The following IL9 variants were observed in gnomAD, a reference collection of about 807,000 sequenced individuals.
IL9 encodes interleukin-9.
A neutral mutation model predicts 12.9 loss-of-function variants in IL9; 16 were observed. The ratio of observed to expected loss-of-function variants is 1.24; its 90% CI spans 0.84 to 1.88. The LOEUF (loss-of-function observed/expected upper bound fraction) is 1.88. Ranked by LOEUF, IL9 falls within the 40% of genes most tolerant of loss-of-function variation. The pLI, the probability that IL9 is intolerant of heterozygous loss-of-function variation, is 0.00. For missense variants in IL9, 170 were observed against 173.1 expected, an observed-to-expected ratio of 0.98 and a Z score of 0.10; for synonymous variants, 69 against 63.8, an observed-to-expected ratio of 1.08 and a Z score of -0.39.
chr5:135,892,331 G>T lies in IL9; in HGVS notation c.*60C>A. The T allele has an allele frequency of 1.5e-6, 2 of 1,294,846 alleles. No individual in the cohort carries two copies. The highest frequency in any genetic ancestry group is 2.1e-6 in the Non-Finnish European group (2 of 943,214). 80.2% of individuals were successfully genotyped at this position (1,294,846 alleles called of 1,614,324 possible). ...GAGTAGCTTACTTGATTTTTAAATT[G>T]TAGCAACTTAAAGAGAAAGCTTTTT... On this transcript the variant is annotated 3_prime_UTR_variant, in exon 5 of 5. Transcript: ENST00000274520.
At chr5:135,893,921 A>C (rs75186732) in intron 4 of IL9, 99 bp downstream of exon 4, 3 of 1,028,136 alleles carry the variant, frequency 2.9e-6, no homozygotes, top group Non-Finnish European at 4.2e-6. Flanking sequence ...TGAACTACCA[A>C]TTCCAACTTT....
chr5:135,895,444 G>A lies in IL9; in HGVS notation c.179C>T (p.Pro60Leu). 1 of 1,613,120 alleles carries A rather than the reference G, an allele frequency of 6.2e-7. No individual in the cohort carries two copies. The highest frequency in any genetic ancestry group is 8.5e-7 in the Non-Finnish European group (1 of 1,179,560). The change falls in exon 3 of 5, where the codon CCC (proline) becomes CTC (leucine). Residue 60 changes from proline to leucine, a missense_variant. By Grantham distance (98) the Pro-to-Leu change is moderately conservative (BLOSUM62 -3). Coordinates refer to ENST00000274520, the MANE Select transcript of IL9 (RefSeq NM_000590.2). Reference protein sequence around the residue: ...NVTSCLCLGIPSDNCTRPCFS... With the variant: ...NVTSCLCLGILSDNCTRPCFS... ...ATGTTATTTCACTATACTTACAGAG[G>A]GAATGCCCAAACAGAGACAACTGGT...
chr5:135,894,067 T>G lies in IL9; in HGVS notation c.268A>C (p.Ser90Arg). The change falls in exon 4 of 5, where the codon AGT becomes CGT. Residue 90 changes from serine to arginine, a missense_variant. Coordinates refer to ENST00000274520, the MANE Select transcript of IL9 (RefSeq NM_000590.2). The stretch of plus-strand genomic sequence containing the variant: ...ACTTCAACTGATTTTTTCACCCGAC[T>G]GAAAATCAGTGGGTATCTTGTTTGC... ...TMQTRYPLIF[S>R]RVKKSVEVLK... 6.2e-7 allele frequency: 1 copy of G among 1,613,006 alleles called. No homozygotes were observed.
At chr5:135,895,632 GT>G (rs752469605) in intron 1 of IL9, 42 bp from the exon 2 acceptor site, 5 of 1,612,396 alleles carry the variant, frequency 3.1e-6, no homozygotes, top group Non-Finnish European at 4.2e-6. Flanking sequence ...TCAGCCCCGA[GT>G]TTTTTCATCC....
intron 4 of IL9, 122 bp downstream of exon 4, chr5:135,893,898 C>A (rs1425425103): frequency 4.1e-6 from 3 of 728,126 alleles, no homozygotes; most frequent in Non-Finnish European, 6.6e-6. Flanking sequence ...TCTTAGATGT[C>A]TTTTATCAAC....
rs1291316097 is a variant in IL9 at position 135,895,566 on chromosome 5, A to G, written c.139T>C (p.Cys47Arg). Reference protein sequence around the residue: ...MQEDPASKCHCSANVTSCLCL... With the variant: ...MQEDPASKCHRSANVTSCLCL... ...GAGCATTCACTCACATTAGCACTGCAGTGGCACTTGGAAGCTGGATCTTCC... is the reference window on the plus strand; with the variant it reads ...GAGCATTCACTCACATTAGCACTGCGGTGGCACTTGGAAGCTGGATCTTCC... The change falls in exon 2 of 5, where the codon TGC becomes CGC. Residue 47 changes from cysteine to arginine, a missense_variant. Cys to Arg is a radical substitution (Grantham distance 180, BLOSUM62 -3). Transcript: ENST00000274520. The G allele has an allele frequency of 2.5e-6, 4 of 1,614,032 alleles. No individual in the cohort carries two copies. Among genetic ancestry groups the G allele is most frequent in the Non-Finnish European group, 3.4e-6 (4 of 1,179,972 alleles).
In IL9 at chr5:135,892,453, G is replaced by T; in HGVS notation, c.373C>A (p.Leu125Met). 1 of 1,613,270 alleles carries T rather than the reference G, an allele frequency of 6.2e-7. No homozygotes were observed. The highest frequency in any genetic ancestry group is 8.5e-7 in the Non-Finnish European group (1 of 1,179,582). Residue 125 changes from leucine (L) to methionine (M), a missense_variant, in exon 5 of 5, where the codon CTG (leucine) becomes ATG (methionine). Transcript: ENST00000274520. ...TGGAAAATTTCCAGAAGACTCTTCA[G>T]AAATGTCAGCGCGTTGCCTGCCGTG... The part of the protein sequence containing the change: ...QTTAGNALTF[L>M]KSLLEIFQKE...
chr5:135,893,878 T>C, intron 4 of IL9, 142 bp downstream of exon 4: 1 of 629,628 alleles, frequency 1.6e-6, no homozygotes, highest in South Asian at 2.1e-5. Context: ...ATATTACTTC[T>C]GATTAAAATT....
At position 135,892,517 on chromosome 5, in the gene IL9, G is replaced by A. The variant is rs1404185639; in HGVS notation, c.316-7C>T. 2 of 1,609,536 alleles carry A rather than the reference G, an allele frequency of 1.2e-6. No homozygotes were observed. Among genetic ancestry groups the A allele is most frequent in the African/African-American group, 1.3e-5 (1 of 74,668 alleles). On this transcript the variant is annotated splice_polypyrimidine_tract_variant and splice_region_variant and intron_variant, in intron 4 of 4. Transcript: ENST00000274520. ...GCTGTTCACAGGAAAAATACTGTGG[G>A]GATGAAAGTTGATAAGGACAGAGTG...
Position 135,892,397 on chromosome 5 carries a change from C to A in IL9, c.429G>T (p.Lys143Asn), listed in dbSNP as rs1762882348. 1.9e-6 allele frequency: 3 copies of A among 1,595,046 alleles called. No homozygotes were observed. Among genetic ancestry groups the A allele is most frequent in the South Asian group, 2.3e-5 (2 of 88,570 alleles). ...QKEKMRGMRG[K>N]I ...GATAAATAATATTTCATCTTCATATCTTGCCTCTCATCCCTCTCATCTTTT... is the reference window on the plus strand; with the variant it reads ...GATAAATAATATTTCATCTTCATATATTGCCTCTCATCCCTCTCATCTTTT... Residue 143 changes from lysine to asparagine, a missense_variant, in exon 5 of 5, where the codon AAG becomes AAT. Lys to Asn is a moderately conservative substitution (Grantham distance 94). Transcript: ENST00000274520.
chr5:135,894,154 G>C lies in IL9; in HGVS notation c.184-3C>G, dbSNP rs1762912367. On this transcript the variant is annotated splice_polypyrimidine_tract_variant and splice_region_variant and intron_variant, in intron 3 of 4. Transcript: ENST00000274520. ...AAGCATGGTCTGGTGCAGTTGTCCT[G>C]GTAAATAGTAAGGATTTATTCAAAG... The C allele has an allele frequency of 6.2e-7, 1 of 1,610,182 alleles. No homozygotes were observed. The highest frequency in any genetic ancestry group is 1.7e-5 in the Admixed American group (1 of 58,790).
chr5:135,892,565 C>G, intron 4 of IL9, 55 bp from the exon 5 acceptor site: 1 of 1,557,456 alleles, frequency 6.4e-7, no homozygotes, highest in African/African-American at 1.4e-5. Flanking sequence ...TAGAGCCAAG[C>G]AGCCCCAGAA....
chr5:135,893,628 C>T (rs530235149), intron 4 of IL9, among the ~76,000 whole-genome samples: 2 of 152,128 alleles, frequency 1.3e-5, no homozygotes, highest in East Asian at 3.9e-4. Context: ...AAAACAAAAC[C>T]TCCTTAACCA....
Position 135,892,393 on chromosome 5 carries a change from A to C in IL9, c.433T>G (p.Ter145GlyextTer2). ...ATAGGATAAATAATATTTCATCTTC[A>C]TATCTTGCCTCTCATCCCTCTCATC... ...EKMRGMRGKI[*>G] The change falls in exon 5 of 5, where the codon TGA becomes GGA. Residue 145 changes from the stop codon to glycine (G), a stop_lost. Transcript: ENST00000274520. 1 of 1,589,702 alleles carries C rather than the reference A, an allele frequency of 6.3e-7. No individual in the cohort carries two copies. Among genetic ancestry groups the C allele is most frequent in the Non-Finnish European group, 8.6e-7 (1 of 1,165,742 alleles).
intron 3 of IL9, 143 bp downstream of exon 3, chr5:135,895,297 G>T: frequency 1.6e-6 from 1 of 642,300 alleles, no homozygotes; most frequent in Non-Finnish European, 2.7e-6. Context: ...GTAACAATGT[G>T]GTTTTAACAG....
At chr5:135,894,435 A>G (rs1318475934) in intron 3 of IL9, among the ~76,000 whole-genome samples, 2 of 152,198 alleles carry the variant, frequency 1.3e-5, no homozygotes, top group African/African-American at 2.4e-5. Context: ...GTTCTTTTCA[A>G]CGGGTGCTTC....
rs1411633313 is a variant in IL9 at position 135,892,479 on chromosome 5, G to A, written c.347C>T (p.Thr116Ile). The change falls in exon 5 of 5, where the codon ACC (threonine) becomes ATC (isoleucine). Residue 116 changes from threonine (T) to isoleucine (I), a missense_variant. By Grantham distance (89) the Thr-to-Ile change is moderately conservative. Coordinates refer to ENST00000274520, the MANE Select transcript of IL9 (RefSeq NM_000590.2). ...YFSCEQPCNQ[T>I]TAGNALTFLK... Reference sequence around the variant, plus strand: ...AAATGTCAGCGCGTTGCCTGCCGTGGTTTGGTTGCATGGCTGTTCACAGGA... The same window carrying A: ...AAATGTCAGCGCGTTGCCTGCCGTGATTTGGTTGCATGGCTGTTCACAGGA... 1.9e-6 allele frequency: 3 copies of A among 1,613,334 alleles called. No individual in the cohort carries two copies. The highest frequency in any genetic ancestry group is 1.7e-5 in the Admixed American group (1 of 59,904).
In IL9 at chr5:135,894,130, A is replaced by C; in HGVS notation, c.205T>G (p.Phe69Val). The C allele has an allele frequency of 6.2e-7, 1 of 1,613,438 alleles. No homozygotes were observed. Among genetic ancestry groups the C allele is most frequent in the South Asian group, 1.1e-5 (1 of 90,916 alleles). ...IPSDNCTRPC[F>V]SERLSQMTNT... Reference sequence around the variant, plus strand: ...GTCATCTGAGACAGTCTCTCACTGAAGCATGGTCTGGTGCAGTTGTCCTGG... The same window carrying C: ...GTCATCTGAGACAGTCTCTCACTGACGCATGGTCTGGTGCAGTTGTCCTGG... Residue 69 changes from phenylalanine to valine, a missense_variant, in exon 4 of 5, where the codon TTC (phenylalanine) becomes GTC (valine). By Grantham distance (50) the Phe-to-Val change is conservative. Coordinates refer to ENST00000274520, the MANE Select transcript of IL9 (RefSeq NM_000590.2).
At chr5:135,893,739 T>C (rs1458635285) in intron 4 of IL9, among the ~76,000 whole-genome samples, 6 of 152,212 alleles carry the variant, frequency 3.9e-5, no homozygotes, top group Admixed American at 3.3e-4. Context: ...ATTCTCTAGA[T>C]TGTAGCTTCT....
Sources: allele counts gnomAD v4.1 joint callset (sites outside exome capture counted in the v4.1 genomes callset), GRCh38; gene constraint gnomAD v4.1.1; transcripts MANE v1.5; gene names NCBI Gene and HGNC (gene_info 2026-07-23, HGNC 2026-07-21).